Variants in MCM9 observed in about 807,000 individuals in gnomAD.
MCM9 encodes the protein minichromosome maintenance 9 homologous recombination repair factor.
Under a neutral mutation model 72.8 loss-of-function variants are expected in MCM9, and 55 were observed. That is an observed-to-expected ratio of 0.76 (90% CI 0.61 to 0.95). MCM9 has a LOEUF of 0.95. Ranked by LOEUF, MCM9 falls within the 40% of genes least tolerant of loss-of-function variation. The pLI is 0.00. For synonymous variants in MCM9, 480 were observed against 503.4 expected (o/e 0.95, Z 0.62); for missense variants, 1,279 against 1,377.0 (o/e 0.93, Z 1.13).
intron 8 of MCM9, among the ~76,000 whole-genome samples, chr6:118,874,410 A>G (rs772996969): frequency 5.3e-5 from 8 of 152,232 alleles, no homozygotes; most frequent in Non-Finnish European, 1.0e-4. Context: ...AACTCTCAGA[A>G]AACTAAGAAT....
At position 118,815,649 on chromosome 6, in the gene MCM9, C is replaced by T; in HGVS notation, c.2607G>A (p.Gln869=). 1.3e-6 allele frequency: 2 copies of T among 1,550,334 alleles called. No homozygotes were observed. The highest frequency in any genetic ancestry group is 8.7e-7 in the Non-Finnish European group (1 of 1,146,916). The stretch of plus-strand genomic sequence containing the variant: ...ACTGAGGATGGGAAGGGACTGTGCA[C>T]TGTGCAGGCACCCTGGTGCTATTTC... ...LCRNSTRVPA[Q]CTVPSHPQST... is the part of the protein sequence containing the mutation. The change falls in exon 14 of 14, where the codon CAG becomes CAA. Residue 869 remains glutamine (Q), a synonymous_variant. Transcript: ENST00000619706.
chr6:118,867,076 C>T (rs1381796492), intron 8 of MCM9, among the ~76,000 whole-genome samples: 1 of 151,520 alleles, frequency 6.6e-6, no homozygotes, highest in Non-Finnish European at 1.5e-5. Flanking sequence ...TAACTCTATA[C>T]TCAGCAATTC....
At chr6:118,858,902 G>A (rs1220896440) in intron 8 of MCM9, among the ~76,000 whole-genome samples, 1 of 152,138 alleles carries the variant, frequency 6.6e-6, no homozygotes, top group Non-Finnish European at 1.5e-5. Flanking sequence ...ATCCTAGCAT[G>A]ATTTTTTAAA....
At chr6:118,857,626 C>CAAAAAAAA (rs1203197065) in intron 8 of MCM9, among the ~76,000 whole-genome samples, 5 of 70,952 alleles carry the variant, frequency 7.0e-5, no homozygotes, top group East Asian at 4.3e-4. Flanking sequence ...CCAGACTGAC[C>CAAAAAAAA]AAAAAAAAAA....
chr6:118,909,332 A>T (rs1228931444), intron 8 of MCM9, among the ~76,000 whole-genome samples: 1 of 152,222 alleles, frequency 6.6e-6, no homozygotes, highest in African/African-American at 2.4e-5. Context: ...TTTTGTATCA[A>T]GTTGTAAATG....
intron 8 of MCM9, chr6:118,911,199 A>C: frequency 2.0e-6 from 2 of 985,646 alleles, no homozygotes; most frequent in Non-Finnish European, 2.4e-6. Context: ...ATATTTTCCA[A>C]ATATTAATAA....
Position 118,854,865 on chromosome 6 carries a change from T to C in MCM9, c.1325+1506A>G, listed in dbSNP as rs145533485. Among the ~76,000 whole-genome samples the C allele has an allele frequency of 3.8e-3, 583 of 152,364 alleles. 6 individuals carry two copies. Among genetic ancestry groups the C allele is most frequent in the African/African-American group, 0.013 (556 of 41,592 alleles). ...ATAAGACCCACTTGGTTATAATGTA[T>C]AACCCTTTTTATATAGTATTGGATT... On this transcript the variant is annotated intron_variant, in intron 9 of 13. Transcript: ENST00000619706.
chr6:118,869,216 C>T lies in MCM9; in HGVS notation c.1151-12671G>A, dbSNP rs2114299389. On this transcript the variant is annotated intron_variant, in intron 8 of 13. Transcript: ENST00000619706. ...ATAGGTGGGAACTGAACAATGAGAACACTTGGACACAAGGTGGGGAACATC... is the reference window on the plus strand; with the variant it reads ...ATAGGTGGGAACTGAACAATGAGAATACTTGGACACAAGGTGGGGAACATC... Among the ~76,000 whole-genome samples the T allele has an allele frequency of 2.0e-5, 3 of 152,094 alleles. No homozygotes were observed. In the Middle Eastern group the frequency reaches 0.01, roughly 517 times the overall value.
intron 5 of MCM9, chr6:118,919,102 A>G (rs756134780): frequency 5.9e-5 from 9 of 152,232 alleles, no homozygotes; most frequent in Non-Finnish European, 8.8e-5. Context: ...GCAACTTTAC[A>G]TAAGGACATG....
chr6:118,920,350 G>A (rs1402355972), intron 5 of MCM9: 1 of 152,200 alleles, frequency 6.6e-6, no homozygotes, highest in Non-Finnish European at 1.5e-5. Context: ...TCCCTCACCA[G>A]AATCCGAAGA....
chr6:118,904,566 C>T (rs3798594), intron 8 of MCM9, among the ~76,000 whole-genome samples: 8,720 of 152,250 alleles, frequency 0.057, 360 homozygotes, highest in East Asian at 0.19. Context: ...CTGCACCCTA[C>T]CACGGATGGG....
At chr6:118,934,195 C>T (rs1195802084) in intron 1 of MCM9, among the ~76,000 whole-genome samples, 1 of 152,098 alleles carries the variant, frequency 6.6e-6, no homozygotes, top group African/African-American at 2.4e-5. Context: ...TTATTCATTC[C>T]CTTTCAACAT....
chr6:118,815,892 C>A lies in MCM9; in HGVS notation c.2364G>T (p.Glu788Asp). Residue 788 changes from glutamate (E) to aspartate (D), a missense_variant, in exon 14 of 14, where the codon GAG (glutamate) becomes GAT (aspartate). By Grantham distance (45) the Glu-to-Asp change is conservative. Transcript: ENST00000619706. ...TGTCCACTTTGCTCCTTTGGCCTGG[C>A]TCACTCTTCTCCTTACCCTGAGATG... Reference protein sequence around the residue: ...NSTSQGKEKSEPGQRSKVDIG... With the variant: ...NSTSQGKEKSDPGQRSKVDIG... The A allele has an allele frequency of 6.5e-7, 1 of 1,544,060 alleles. No homozygotes were observed.
chr6:118,837,875 G>C (rs1462244442), intron 9 of MCM9, among the ~76,000 whole-genome samples: 1 of 152,140 alleles, frequency 6.6e-6, no homozygotes, highest in Non-Finnish European at 1.5e-5. Context: ...GGTTAAAATT[G>C]TTATGTGTGA....
Position 118,814,423 on chromosome 6 carries a change from T to C in MCM9, c.*401A>G, listed in dbSNP as rs1773283542. On this transcript the variant is annotated 3_prime_UTR_variant, in exon 14 of 14. Coordinates refer to ENST00000619706, the MANE Select transcript of MCM9 (RefSeq NM_017696.3). ...AAAAAAAAAAGTAGAAAAGAGTTCATCTGCCTTGTTAGATTTATGAGTGCT... is the reference window on the plus strand; with the variant it reads ...AAAAAAAAAAGTAGAAAAGAGTTCACCTGCCTTGTTAGATTTATGAGTGCT... 6.4e-6 allele frequency: 1 copy of C among 155,600 alleles called. No homozygotes were observed. Among genetic ancestry groups the C allele is most frequent in the Non-Finnish European group, 1.4e-5 (1 of 71,836 alleles). The allele number at this position is 155,600 out of a possible 1,614,324, so 9.6% of individuals were successfully genotyped here.
intron 8 of MCM9, among the ~76,000 whole-genome samples, chr6:118,888,038 T>A (rs1778707929): frequency 6.6e-6 from 1 of 152,162 alleles, no homozygotes. Flanking sequence ...GCTTAACATC[T>A]TTAGCCATCA....
rs1432753479 is a variant in MCM9, at chr6:118,815,455, G to A, written c.2801C>T (p.Ser934Phe). 4 of 1,550,216 alleles carry A rather than the reference G, an allele frequency of 2.6e-6. No individual in the cohort carries two copies. Among genetic ancestry groups the A allele is most frequent in the Non-Finnish European group, 3.5e-6 (4 of 1,146,894 alleles). Residue 934 changes from serine to phenylalanine, a missense_variant, in exon 14 of 14, where the codon TCC becomes TTC. Coordinates refer to ENST00000619706, the MANE Select transcript of MCM9 (RefSeq NM_017696.3). ...TGACACATGGCTGTGATCTTCAAAGGAGTGGATCAGTTTTGACTTCTGCTT... is the reference window on the plus strand; with the variant it reads ...TGACACATGGCTGTGATCTTCAAAGAAGTGGATCAGTTTTGACTTCTGCTT... Reference protein sequence around the residue: ...TFKQKSKLIHSFEDHSHVSPG... With the variant: ...TFKQKSKLIHFFEDHSHVSPG...
At chr6:118,844,278 G>A (rs1775705120) in intron 9 of MCM9, among the ~76,000 whole-genome samples, 1 of 151,736 alleles carries the variant, frequency 6.6e-6, no homozygotes, top group Admixed American at 6.6e-5. Context: ...CTGAAAACTG[G>A]TAGCCAAAAA....
rs141549378 is a variant in MCM9, at chr6:118,857,818, C to A, written c.1151-1273G>T. On this transcript the variant is annotated intron_variant, in intron 8 of 13. Coordinates refer to ENST00000619706, the MANE Select transcript of MCM9 (RefSeq NM_017696.3). Reference sequence around the variant, plus strand: ...TATGCAAAGTTTATCTAAAAAGGAACAGATAACTTCCATAATCCTTTATTT... The same window carrying A: ...TATGCAAAGTTTATCTAAAAAGGAAAAGATAACTTCCATAATCCTTTATTT... Among the ~76,000 whole-genome samples, 586 of 152,056 alleles carry A rather than the reference C, an allele frequency of 3.9e-3. 7 individuals carry two copies. The highest frequency in any genetic ancestry group is 0.013 in the African/African-American group (558 of 41,510).
Sources: gnomAD v4.1 joint callset for allele counts (sites outside exome capture counted in the v4.1 genomes callset) on GRCh38, gnomAD v4.1.1 for gene constraint, MANE v1.5 for transcripts, NCBI Gene and HGNC (gene_info 2026-07-23, HGNC 2026-07-21) for gene names.